KAZN: variants seen among roughly 807,000 people sequenced by gnomAD.
The protein encoded by KAZN is kazrin, periplakin interacting protein, also known as kazrin.
KAZN carries 40 observed loss-of-function variants against 87.4 expected under a neutral mutation model. The ratio of observed to expected loss-of-function variants is 0.46; its 90% CI spans 0.36 to 0.60. KAZN has a LOEUF of 0.60. KAZN is among the 20% of genes least tolerant of loss of function. The pLI, the probability that KAZN is intolerant of heterozygous loss-of-function variation, is 0.00. For synonymous variants in KAZN, 466 were observed against 458.3 expected (o/e 1.02, Z -0.22); for missense variants, 898 against 1,073.9 (o/e 0.84, Z 2.29).
intron 1 of KAZN, among the ~76,000 whole-genome samples, chr1:14,109,118 G>C (rs552771127): frequency 2.4e-4 from 37 of 152,318 alleles, no homozygotes; most frequent in African/African-American, 8.9e-4. Flanking sequence ...GCATGACAGA[G>C]AGGTACTGCC....
At chr1:14,025,970 A>T (rs1641053525) in intron 1 of KAZN, among the ~76,000 whole-genome samples, 1 of 151,834 alleles carries the variant, frequency 6.6e-6, no homozygotes, top group Non-Finnish European at 1.5e-5. Flanking sequence ...CTTTGTTCTC[A>T]CTCTCCCGCA....
intron 2 of KAZN, among the ~76,000 whole-genome samples, chr1:14,446,650 T>A (rs547130801): frequency 5.6e-4 from 86 of 152,242 alleles, no homozygotes; most frequent in African/African-American, 2.0e-3. Context: ...CAAAATCTCT[T>A]CATTTCTTTT....
At chr1:14,153,233 GC>G (rs1645515611) in intron 1 of KAZN, among the ~76,000 whole-genome samples, 1 of 152,148 alleles carries the variant, frequency 6.6e-6, no homozygotes, top group Non-Finnish European at 1.5e-5. Flanking sequence ...TGCTTTGGCT[GC>G]CTATGCTTGT....
intron 2 of KAZN, among the ~76,000 whole-genome samples, chr1:14,284,711 A>G (rs1653105773): frequency 6.6e-6 from 1 of 152,180 alleles, no homozygotes. Flanking sequence ...CCACTGGGAG[A>G]CCATAGAGCA....
chr1:15,091,552 G>T (rs777414636), intron 8 of KAZN, among the ~76,000 whole-genome samples: 1 of 152,130 alleles, frequency 6.6e-6, no homozygotes, highest in South Asian at 2.1e-4. Context: ...GGATTTCACC[G>T]TGTTAGCCAG....
chr1:14,092,571 ATATG>A (rs987781185), intron 1 of KAZN, among the ~76,000 whole-genome samples: 10 of 126,864 alleles, frequency 7.9e-5, no homozygotes, highest in Admixed American at 1.7e-4. Flanking sequence ...ACATATATAC[ATATG>A]TATGTACATA....
intron 1 of KAZN, among the ~76,000 whole-genome samples, chr1:14,062,203 G>A (rs531436745): frequency 9.1e-4 from 139 of 152,282 alleles, no homozygotes; most frequent in Middle Eastern, 6.8e-3. Flanking sequence ...GAAACCCAGA[G>A]CGATTCAGGT....
At chr1:15,073,342 T>A (rs1158040463) in intron 8 of KAZN, among the ~76,000 whole-genome samples, 1 of 152,196 alleles carries the variant, frequency 6.6e-6, no homozygotes. Context: ...TTGAACAAGC[T>A]GCCTGGTGTG....
intron 2 of KAZN, among the ~76,000 whole-genome samples, chr1:14,964,363 C>T (rs1043540691): frequency 8.5e-5 from 13 of 152,136 alleles, no homozygotes; most frequent in African/African-American, 3.1e-4. Flanking sequence ...AGTGCCAATA[C>T]TGAGATCTGC....
intron 1 of KAZN, among the ~76,000 whole-genome samples, chr1:14,937,053 G>A (rs1167893117): frequency 6.6e-6 from 1 of 152,200 alleles, no homozygotes; most frequent in African/African-American, 2.4e-5. Context: ...CAACCTTTCT[G>A]TGAGCCTTTC....
intron 1 of KAZN, among the ~76,000 whole-genome samples, chr1:14,129,527 A>C (rs1446998235): frequency 6.6e-6 from 1 of 152,168 alleles, no homozygotes; most frequent in Non-Finnish European, 1.5e-5. Context: ...GAGAATTGGC[A>C]AGAGGGATGG....
chr1:15,087,217 C>A (rs2100653476), intron 8 of KAZN, among the ~76,000 whole-genome samples: 1 of 152,200 alleles, frequency 6.6e-6, no homozygotes, highest in Admixed American at 6.5e-5. Context: ...TTCTATTAGC[C>A]ACATTTGAAG....
At chr1:14,787,151 A>T (rs74059359) in intron 1 of KAZN, among the ~76,000 whole-genome samples, 1 of 152,146 alleles carries the variant, frequency 6.6e-6, no homozygotes, top group African/African-American at 2.4e-5. Context: ...TTGGTCATTT[A>T]CTACCTATGT....
intron 1 of KAZN, among the ~76,000 whole-genome samples, chr1:14,764,740 C>G (rs1378759902): frequency 1.3e-5 from 2 of 152,138 alleles, no homozygotes; most frequent in Non-Finnish European, 2.9e-5. Context: ...GAGACCAGAT[C>G]TGGACTTGCT....
chr1:14,028,588 T>A (rs1009009861), intron 1 of KAZN, among the ~76,000 whole-genome samples: 4 of 152,222 alleles, frequency 2.6e-5, no homozygotes, highest in Non-Finnish European at 5.9e-5. Context: ...TTATCTTTTT[T>A]AAAAAATTCA....
chr1:15,061,391 AG>A (rs1638783161), intron 6 of KAZN: 1 of 152,274 alleles, frequency 6.6e-6, no homozygotes, highest in Non-Finnish European at 1.5e-5. Context: ...AAGCTGCCTC[AG>A]TCTGCTCAGG....
chr1:14,283,072 A>G (rs1481059741), intron 2 of KAZN, among the ~76,000 whole-genome samples: 1 of 152,214 alleles, frequency 6.6e-6, no homozygotes, highest in African/African-American at 2.4e-5. Flanking sequence ...GCAAACCACA[A>G]TTAGCAGTAT....
rs533147571 is a variant in KAZN, at chr1:14,927,491, G to A, written c.227-33193G>A. 1.1e-4 allele frequency among the ~76,000 whole-genome samples: 17 copies of A among 152,308 alleles called. No individual in the cohort carries two copies. In the South Asian group the frequency reaches 1.5e-3, roughly 13 times the overall value. Reference sequence around the variant, plus strand: ...GGAGGGGTTAGAATGATGGGAGCAGGTGCTGCTTAGTTTTTAGGTAGGGTG... The same window carrying A: ...GGAGGGGTTAGAATGATGGGAGCAGATGCTGCTTAGTTTTTAGGTAGGGTG... On this transcript the variant is annotated intron_variant, in intron 1 of 14. Coordinates refer to ENST00000376030, the MANE Select transcript of KAZN (RefSeq NM_201628.3).
At chr1:14,467,481 TC>T (rs1399032521) in intron 2 of KAZN, among the ~76,000 whole-genome samples, 1 of 151,984 alleles carries the variant, frequency 6.6e-6, no homozygotes, top group African/African-American at 2.4e-5. Flanking sequence ...TTATATCCTA[TC>T]AGTCATTATA....
Sources: allele counts gnomAD v4.1 joint callset (sites outside exome capture counted in the v4.1 genomes callset), GRCh38; gene constraint gnomAD v4.1.1; transcripts MANE v1.5; gene names NCBI Gene and HGNC (gene_info 2026-07-23, HGNC 2026-07-21).